TRIM55: variants seen among roughly 807,000 people sequenced by gnomAD.
TRIM55 encodes tripartite motif containing 55, also known as tripartite motif-containing protein 55.
In TRIM55, 50 loss-of-function variants were observed where a neutral mutation model predicts 60.9. That is an observed-to-expected ratio of 0.82 (90% CI 0.65 to 1.04). The LOEUF is 1.04. Ranked by LOEUF, TRIM55 falls within the 50% of genes least tolerant of loss-of-function variation. TRIM55 has a pLI of 0.00. For missense variants in TRIM55, 681 were observed against 666.9 expected, an observed-to-expected ratio of 1.02 and a Z score of -0.23; for synonymous variants, 237 against 238.1, an observed-to-expected ratio of 1.00 and a Z score of 0.04.
At chr8:66,136,621 C>A (rs1300046605) in intron 3 of TRIM55, among the ~76,000 whole-genome samples, 1 of 152,126 alleles carries the variant, frequency 6.6e-6, no homozygotes, top group East Asian at 1.9e-4. Flanking sequence ...AGAACTAGTT[C>A]TTTGTTTCAG....
upstream of TRIM55, among the ~76,000 whole-genome samples, chr8:66,125,098 A>AT (rs1311898275): frequency 5.3e-5 from 8 of 152,158 alleles, no homozygotes; most frequent in Admixed American, 4.6e-4. Context: ...CACAACTGAA[A>AT]TTTTTTTTCT....
intron 2 of TRIM55, among the ~76,000 whole-genome samples, chr8:66,130,454 C>T (rs1809072602): frequency 6.6e-6 from 1 of 151,676 alleles, no homozygotes. Flanking sequence ...TGGGGGCAGA[C>T]AGCCTTACTA....
intron 9 of TRIM55, among the ~76,000 whole-genome samples, chr8:66,164,214 T>G (rs1811199518): frequency 6.6e-6 from 1 of 152,146 alleles, no homozygotes; most frequent in Non-Finnish European, 1.5e-5. Context: ...CTTCACTGCC[T>G]GAGTCCAACA....
At chr8:66,114,930 T>C in the TRIM55 span, 3 of 189,796 alleles carry the variant, frequency 1.6e-5, no homozygotes, top group Admixed American at 1.1e-4. Flanking sequence ...GGACAGTCCT[T>C]GAGCGTAATT....
chr8:66,141,372 G>A lies in TRIM55; in HGVS notation c.603+4182G>A, dbSNP rs533468435. 2.4e-3 allele frequency among the ~76,000 whole-genome samples: 366 copies of A among 152,214 alleles called. 2 individuals carry two copies. The highest frequency in any genetic ancestry group is 5.5e-3 in the Admixed American group (84 of 15,280). On this transcript the variant is annotated intron_variant, in intron 4 of 9. Coordinates refer to ENST00000315962, the MANE Select transcript of TRIM55 (RefSeq NM_184085.2). ...TGGCCTAAGACGTTCCCTGAACTCC[G>A]GACTGCAGGCTGATGGAGGGCTTCT...
At chr8:66,136,125 G>T (rs536923327) in intron 3 of TRIM55, among the ~76,000 whole-genome samples, 8 of 152,274 alleles carry the variant, frequency 5.3e-5, no homozygotes, top group African/African-American at 1.9e-4. Context: ...GTTTATTTTT[G>T]AATCCAGTTA....
upstream of TRIM55, among the ~76,000 whole-genome samples, chr8:66,122,621 C>A (rs1398279184): frequency 6.6e-6 from 1 of 152,158 alleles, no homozygotes; most frequent in Admixed American, 6.5e-5. Context: ...AAATATGATT[C>A]TAAGCCCCCC....
chr8:66,172,423 C>G (rs550191272), intron 9 of TRIM55, among the ~76,000 whole-genome samples: 6 of 152,300 alleles, frequency 3.9e-5, no homozygotes, highest in South Asian at 2.1e-4. Context: ...GATAACCCCC[C>G]ACTCTGGTAC....
intron 8 of TRIM55, among the ~76,000 whole-genome samples, chr8:66,153,756 T>C (rs1810570066): frequency 6.6e-6 from 1 of 152,236 alleles, no homozygotes; most frequent in Admixed American, 6.5e-5. Context: ...TGATATTTTA[T>C]AACCAACATT....
At chr8:66,141,080 G>T (rs1355670477) in intron 4 of TRIM55, among the ~76,000 whole-genome samples, 1 of 152,140 alleles carries the variant, frequency 6.6e-6, no homozygotes, top group African/African-American at 2.4e-5. Context: ...TGTCACACAG[G>T]ACTGGCCTGG....
rs189669731 is a variant in TRIM55 at position 66,145,035 on chromosome 8, T to C, written c.604-4610T>C. On this transcript the variant is annotated intron_variant, in intron 4 of 9. Coordinates refer to ENST00000315962, the MANE Select transcript of TRIM55 (RefSeq NM_184085.2). ...GCTAGGTGGCCTCTGAGAACATTTT[T>C]TTTTCATGGCACATATCTGTTCCCT... is the stretch of plus-strand genomic sequence containing the variant. Among the ~76,000 whole-genome samples, 386 of 152,340 alleles carry C rather than the reference T, an allele frequency of 2.5e-3. 3 individuals are homozygous for C. The highest frequency in any genetic ancestry group is 9.0e-3 in the African/African-American group (373 of 41,574).
At chr8:66,119,526 T>C in the TRIM55 span, among the ~76,000 whole-genome samples, 1 of 152,344 alleles carries the variant, frequency 6.6e-6, no homozygotes, top group South Asian at 2.1e-4. Context: ...ATGCCAAGGA[T>C]GTTCTGGAAT....
At chr8:66,171,819 AG>A (rs1318286446) in intron 9 of TRIM55, among the ~76,000 whole-genome samples, 7 of 152,362 alleles carry the variant, frequency 4.6e-5, no homozygotes, top group Non-Finnish European at 8.8e-5. Context: ...TTCCTTTATG[AG>A]GTAGCCATGT....
At chr8:66,118,029 T>C in the TRIM55 span, among the ~76,000 whole-genome samples, 29 of 148,420 alleles carry the variant, frequency 2.0e-4, no homozygotes, top group East Asian at 4.0e-4. Context: ...CTTACCCGGG[T>C]GTGGTGGCGG....
chr8:66,145,476 CT>C (rs541783715), intron 4 of TRIM55, among the ~76,000 whole-genome samples: 1 of 151,864 alleles, frequency 6.6e-6, no homozygotes. Context: ...ATTTATGATA[CT>C]TTTTTTTGTT....
intron 2 of TRIM55, among the ~76,000 whole-genome samples, chr8:66,132,801 C>T (rs1192032876): frequency 6.6e-6 from 1 of 150,684 alleles, no homozygotes; most frequent in Non-Finnish European, 1.5e-5. Context: ...GGCTGGGCTA[C>T]AACCTAAATA....
chr8:66,167,959 A>G (rs1811415943), intron 9 of TRIM55, among the ~76,000 whole-genome samples: 1 of 152,144 alleles, frequency 6.6e-6, no homozygotes, highest in Admixed American at 6.5e-5. Flanking sequence ...CATATTGCCC[A>G]GGCTGGCCTC....
the TRIM55 span, among the ~76,000 whole-genome samples, chr8:66,118,317 G>T: frequency 2.0e-5 from 3 of 149,948 alleles, no homozygotes; most frequent in Non-Finnish European, 4.4e-5. Context: ...ATGAACAAAA[G>T]ATTTCAAGCA....
intron 9 of TRIM55, among the ~76,000 whole-genome samples, chr8:66,172,964 G>T (rs1811726678): frequency 6.6e-6 from 1 of 152,140 alleles, no homozygotes; most frequent in Non-Finnish European, 1.5e-5. Context: ...AGACTTAAGG[G>T]TTTGTTTTTT....
Sources: allele counts gnomAD v4.1 joint callset (sites outside exome capture counted in the v4.1 genomes callset), GRCh38; gene constraint gnomAD v4.1.1; transcripts MANE v1.5; gene names NCBI Gene and HGNC (gene_info 2026-07-23, HGNC 2026-07-21).